The following THSD7A variants were observed in gnomAD, a reference collection of about 807,000 sequenced individuals.
THSD7A encodes thrombospondin type 1 domain containing 7A.
In THSD7A, 96 loss-of-function variants were observed where a neutral mutation model predicts 231.3. The observed-to-expected ratio is 0.41, with a 90% CI of 0.35 to 0.49. The LOEUF is 0.49. Among genes scored for constraint, THSD7A ranks in the 20% least tolerant of loss-of-function variants. The probability of loss-of-function intolerance (pLI) is 0.05; values close to 1 mark genes in which losing one functional copy is unlikely to be tolerated. For missense variants in THSD7A, 2,290 were observed against 2,070.2 expected (o/e 1.11, Z -2.06); for synonymous variants, 940 against 743.3 (o/e 1.26, Z -4.30).
intron 4 of THSD7A, among the ~76,000 whole-genome samples, chr7:11,581,370 G>A (rs952775137): frequency 6.6e-6 from 1 of 151,924 alleles, no homozygotes; most frequent in African/African-American, 2.4e-5. Flanking sequence ...AGCTTAATAT[G>A]ACTCATATAC....
intron 23 of THSD7A, among the ~76,000 whole-genome samples, chr7:11,395,764 A>G (rs938973599): frequency 3.3e-5 from 5 of 151,920 alleles, no homozygotes; most frequent in Non-Finnish European, 5.9e-5. Context: ...CCGACCTTGT[A>G]ATCCGCCCGC....
intron 1 of THSD7A, among the ~76,000 whole-genome samples, chr7:11,668,492 AG>A (rs1783242110): frequency 5.4e-5 from 2 of 37,102 alleles, no homozygotes; most frequent in Non-Finnish European, 1.2e-4. Context: ...AGAAAGAAAG[AG>A]AGAGAGAGAG....
intron 7 of THSD7A, among the ~76,000 whole-genome samples, chr7:11,476,083 T>C (rs1786163432): frequency 6.6e-6 from 1 of 151,912 alleles, no homozygotes; most frequent in Non-Finnish European, 1.5e-5. Flanking sequence ...TTCAAAAAAT[T>C]GGTAAAGCTA....
At chr7:11,510,595 C>A (rs1209644496) in intron 6 of THSD7A, among the ~76,000 whole-genome samples, 2 of 152,152 alleles carry the variant, frequency 1.3e-5, no homozygotes, top group Non-Finnish European at 2.9e-5. Context: ...TTGGCTTCAT[C>A]CCTGGGATGC....
intron 2 of THSD7A, among the ~76,000 whole-genome samples, chr7:11,605,273 A>G: frequency 6.6e-6 from 1 of 152,142 alleles, no homozygotes. Flanking sequence ...TATGGAAAAA[A>G]ACAAATGATG....
intron 6 of THSD7A, among the ~76,000 whole-genome samples, chr7:11,511,851 T>C (rs1412269685): frequency 7.2e-5 from 11 of 152,138 alleles, no homozygotes; most frequent in Non-Finnish European, 1.3e-4. Flanking sequence ...ACCTAGGCAA[T>C]ACCATTCAGG....
chr7:11,788,286 A>G (rs2355086), intron 1 of THSD7A, among the ~76,000 whole-genome samples: 121,554 of 152,020 alleles, frequency 0.8, 48,958 homozygotes, highest in African/African-American at 0.89. Flanking sequence ...CTTAAAGTAG[A>G]AATTTGATAG....
chr7:11,553,905 C>A (rs1319552934), intron 4 of THSD7A, among the ~76,000 whole-genome samples: 1 of 151,762 alleles, frequency 6.6e-6, no homozygotes, highest in Non-Finnish European at 1.5e-5. Flanking sequence ...ATGAAGTATT[C>A]TGAAGATACA....
rs1781690893 is a variant in THSD7A, at chr7:11,632,544, A to G, written c.1022+3586T>C. ...TGAGGGAAAAGGTCTTATTTTTACC[A>G]CTTGCTTTCTAATTTTCATTTCCTT... On this transcript the variant is annotated intron_variant, in intron 2 of 27. Coordinates refer to ENST00000423059, the MANE Select transcript of THSD7A (RefSeq NM_015204.3). This position sits in a 1 kb window ranked among gnomAD's most constrained non-coding sequence, Gnocchi z 4.1. 6.6e-6 allele frequency among the ~76,000 whole-genome samples: 1 copy of G among 152,130 alleles called. No homozygotes were observed.
At position 11,375,666 on chromosome 7, in the gene THSD7A, C is replaced by G; in HGVS notation, c.*128G>C. ...GTGGCAGTATGATTTTCACTCTTGT[C>G]TTTATGATGCCATTTTTAAAAATTA... On this transcript the variant is annotated 3_prime_UTR_variant, in exon 28 of 28. Transcript: ENST00000423059. The G allele has an allele frequency of 1.4e-6, 1 of 736,184 alleles. No individual in the cohort carries two copies. Among genetic ancestry groups the G allele is most frequent in the Non-Finnish European group, 2.2e-6 (1 of 449,638 alleles). The allele number at this position is 736,184 out of a possible 1,614,324, so 45.6% of individuals were successfully genotyped here.
At chr7:11,655,436 C>T (rs958202276) in intron 1 of THSD7A, among the ~76,000 whole-genome samples, 1 of 151,732 alleles carries the variant, frequency 6.6e-6, no homozygotes, top group Non-Finnish European at 1.5e-5. Flanking sequence ...ATAAAATCTT[C>T]TTCTCTAAGA....
chr7:11,427,884 A>T (rs758974319), intron 14 of THSD7A, among the ~76,000 whole-genome samples: 1 of 152,138 alleles, frequency 6.6e-6, no homozygotes, highest in Non-Finnish European at 1.5e-5. Flanking sequence ...GGAGTGTGTT[A>T]TTTACCCTCC....
At chr7:11,448,091 A>G (rs1054048378) in intron 11 of THSD7A, among the ~76,000 whole-genome samples, 1 of 152,130 alleles carries the variant, frequency 6.6e-6, no homozygotes, top group Non-Finnish European at 1.5e-5. Context: ...CACATGCACA[A>G]ACATCAACCT....
intron 1 of THSD7A, among the ~76,000 whole-genome samples, chr7:11,762,416 A>C (rs1401035632): frequency 6.6e-6 from 1 of 152,084 alleles, no homozygotes; most frequent in African/African-American, 2.4e-5. Flanking sequence ...TTTTGACTTT[A>C]GTAACAGCCA....
intron 2 of THSD7A, among the ~76,000 whole-genome samples, chr7:11,601,391 G>A (rs1448630994): frequency 6.6e-6 from 1 of 152,108 alleles, no homozygotes; most frequent in Non-Finnish European, 1.5e-5. Context: ...GAGATAAATT[G>A]CACCTGCACT....
chr7:11,749,761 T>C (rs79202568), intron 1 of THSD7A, among the ~76,000 whole-genome samples: 3,953 of 152,096 alleles, frequency 0.026, 163 homozygotes, highest in African/African-American at 0.089. Flanking sequence ...ATATTGCCAA[T>C]CACAATGTAA....
At chr7:11,783,608 T>C (rs1783699061) in intron 1 of THSD7A, among the ~76,000 whole-genome samples, 1 of 152,144 alleles carries the variant, frequency 6.6e-6, no homozygotes, top group South Asian at 2.1e-4. Flanking sequence ...GCCTCATGCA[T>C]AGGCAGGCAA....
In THSD7A at chr7:11,636,302, C is replaced by T. The variant is rs1377769772; in HGVS notation, c.850G>A (p.Glu284Lys). The change falls in exon 2 of 28, where the codon GAA becomes AAA. Residue 284 changes from glutamate to lysine, a missense_variant. Glu to Lys is a moderately conservative substitution (Grantham distance 56, BLOSUM62 1). Coordinates refer to ENST00000423059, the MANE Select transcript of THSD7A (RefSeq NM_015204.3). This position sits in a 1 kb window ranked among gnomAD's most constrained non-coding sequence, Gnocchi z 10.0. ...ARRRGKNKEREKDRSKGVKDP... is the reference protein window; with the variant it reads ...ARRRGKNKERKKDRSKGVKDP... ...TTTACTCCTTTGCTGCGGTCCTTTT[C>T]CCGTTCTTTATTCTTCCCGCGTCTC... 1 of 1,613,822 alleles carries T rather than the reference C, an allele frequency of 6.2e-7. No homozygotes were observed. The highest frequency in any genetic ancestry group is 1.3e-5 in the African/African-American group (1 of 74,918).
chr7:11,516,086 C>T (rs1449133701), intron 6 of THSD7A, among the ~76,000 whole-genome samples: 1 of 151,972 alleles, frequency 6.6e-6, no homozygotes, highest in Admixed American at 6.6e-5. Context: ...TTTGAGATTT[C>T]TAGGAGCTAT....
Sources: gnomAD v4.1 joint callset for allele counts (sites outside exome capture counted in the v4.1 genomes callset) on GRCh38, gnomAD v4.1.1 for gene constraint, Gnocchi (gnomAD v3.1) non-coding constraint, MANE v1.5 for transcripts, NCBI Gene and HGNC (gene_info 2026-07-23, HGNC 2026-07-21) for gene names.